Variants in LDLRAD3 observed in about 807,000 individuals in gnomAD.
LDLRAD3 encodes low-density lipoprotein receptor class A domain-containing protein 3.
A neutral mutation model predicts 29.4 loss-of-function variants in LDLRAD3; 20 were observed. The observed-to-expected ratio is 0.68, with a 90% CI of 0.48 to 0.99. LDLRAD3 has a LOEUF of 0.99. Ranked by LOEUF, LDLRAD3 falls within the 50% of genes least tolerant of loss-of-function variation. The pLI is 0.00. For missense variants in LDLRAD3, 420 were observed against 454.3 expected, an observed-to-expected ratio of 0.92 and a Z score of 0.69; for synonymous variants, 157 against 192.7, an observed-to-expected ratio of 0.81 and a Z score of 1.53.
chr11:36,088,381 G>A (rs1853227192), intron 3 of LDLRAD3, among the ~76,000 whole-genome samples: 1 of 152,066 alleles, frequency 6.6e-6, no homozygotes, highest in South Asian at 2.1e-4. Context: ...GTTTCTGGGG[G>A]ACCACGATAG....
chr11:36,219,693 A>G (rs1855401963), intron 4 of LDLRAD3, among the ~76,000 whole-genome samples: 1 of 152,264 alleles, frequency 6.6e-6, no homozygotes, highest in South Asian at 2.1e-4. Context: ...AGCTAAAGCT[A>G]TAAGACTTCT....
intron 4 of LDLRAD3, among the ~76,000 whole-genome samples, chr11:36,206,171 G>T (rs192280592): frequency 2.1e-4 from 32 of 152,186 alleles, no homozygotes; most frequent in Non-Finnish European, 4.6e-4. Flanking sequence ...TTGAAATATC[G>T]AGTGGTGATA....
intron 2 of LDLRAD3, among the ~76,000 whole-genome samples, chr11:36,078,931 G>A (rs1156922770): frequency 1.3e-5 from 2 of 152,288 alleles, no homozygotes; most frequent in African/African-American, 2.4e-5. Context: ...TCCCAGCTGT[G>A]CCATCAGCTG....
intron 2 of LDLRAD3, among the ~76,000 whole-genome samples, chr11:36,036,467 G>A (rs1852306398): frequency 6.6e-6 from 1 of 152,158 alleles, no homozygotes; most frequent in African/African-American, 2.4e-5. Context: ...CCAACGCTTT[G>A]AGAGAGCAGA....
intron 1 of LDLRAD3, chr11:35,997,501 C>T: frequency 2.6e-6 from 1 of 389,620 alleles, no homozygotes; most frequent in South Asian, 2.3e-5. Context: ...GTCAGTTTCA[C>T]TATAATCCTT....
At chr11:36,185,292 C>T (rs1854830270) in intron 4 of LDLRAD3, among the ~76,000 whole-genome samples, 1 of 152,092 alleles carries the variant, frequency 6.6e-6, no homozygotes, top group Non-Finnish European at 1.5e-5. Flanking sequence ...ATGAGATGGA[C>T]CAAGTCTTAA....
chr11:36,023,347 GT>G (rs149624071), intron 1 of LDLRAD3, among the ~76,000 whole-genome samples: 1,543 of 152,266 alleles, frequency 0.01, 28 homozygotes, highest in African/African-American at 0.035. Flanking sequence ...ATTTTCTCCT[GT>G]TGCAGGGGGC....
chr11:36,013,304 TTTTAC>T (rs1023097636), intron 1 of LDLRAD3, among the ~76,000 whole-genome samples: 6 of 152,320 alleles, frequency 3.9e-5, no homozygotes, highest in African/African-American at 1.4e-4. Flanking sequence ...TCTTCTTTTT[TTTTAC>T]TTTAAGTTCC....
chr11:36,094,497 C>T (rs1853329744), intron 3 of LDLRAD3, among the ~76,000 whole-genome samples: 1 of 152,212 alleles, frequency 6.6e-6, no homozygotes. Context: ...CAGTATAACA[C>T]ATGGTATCCA....
intron 4 of LDLRAD3, among the ~76,000 whole-genome samples, chr11:36,132,904 G>A (rs1339290493): frequency 1.3e-5 from 2 of 152,226 alleles, no homozygotes; most frequent in East Asian, 1.9e-4. Context: ...CCAGCCACGT[G>A]ACCCTGGGCA....
At chr11:36,134,103 A>G (rs1022349150) in intron 4 of LDLRAD3, among the ~76,000 whole-genome samples, 3 of 152,152 alleles carry the variant, frequency 2.0e-5, no homozygotes, top group Admixed American at 6.5e-5. Context: ...TGGATGGGCA[A>G]CCAGACACTG....
At chr11:36,021,617 T>C (rs1852097091) in intron 1 of LDLRAD3, among the ~76,000 whole-genome samples, 1 of 152,122 alleles carries the variant, frequency 6.6e-6, no homozygotes, top group Admixed American at 6.6e-5. Context: ...TGGCAAGGGA[T>C]TGAAGAATAT....
intron 4 of LDLRAD3, among the ~76,000 whole-genome samples, chr11:36,154,008 GCA>G (rs1360878365): frequency 1.3e-5 from 2 of 152,080 alleles, no homozygotes; most frequent in Admixed American, 1.3e-4. Context: ...AGTTGGAGAG[GCA>G]CCTTCATCCC....
chr11:36,021,042 C>A (rs1457673234), intron 1 of LDLRAD3, among the ~76,000 whole-genome samples: 3 of 152,048 alleles, frequency 2.0e-5, no homozygotes, highest in Non-Finnish European at 4.4e-5. Flanking sequence ...GGTGGTTCTA[C>A]CAGCTGAGAT....
intron 1 of LDLRAD3, among the ~76,000 whole-genome samples, chr11:35,976,782 A>G (rs1565137051): frequency 6.6e-6 from 1 of 152,156 alleles, no homozygotes; most frequent in East Asian, 1.9e-4. Flanking sequence ...TTCCATTTTC[A>G]AAAGAGTCTA....
intron 1 of LDLRAD3, among the ~76,000 whole-genome samples, chr11:35,958,145 A>G (rs1181758995): frequency 6.6e-6 from 1 of 152,256 alleles, no homozygotes; most frequent in Non-Finnish European, 1.5e-5. Context: ...TAAGGTGGCC[A>G]CTAGCCACCT....
At chr11:36,024,828 G>A (rs1479549204) in intron 1 of LDLRAD3, among the ~76,000 whole-genome samples, 1 of 152,248 alleles carries the variant, frequency 6.6e-6, no homozygotes, top group South Asian at 2.1e-4. Context: ...GAGGCAGATG[G>A]TGTGGACTAT....
chr11:36,149,263 A>T (rs2133325647), intron 4 of LDLRAD3, among the ~76,000 whole-genome samples: 1 of 152,332 alleles, frequency 6.6e-6, no homozygotes, highest in East Asian at 1.9e-4. Context: ...ACGTCAGGGG[A>T]TGGTCAGATG....
chr11:36,091,070 C>T (rs1307690221), intron 3 of LDLRAD3, among the ~76,000 whole-genome samples: 1 of 152,190 alleles, frequency 6.6e-6, no homozygotes, highest in East Asian at 1.9e-4. Flanking sequence ...CCTCTATCCT[C>T]TAGAAGAGAA....
Sources: allele counts gnomAD v4.1 joint callset (sites outside exome capture counted in the v4.1 genomes callset), GRCh38; gene constraint gnomAD v4.1.1; transcripts MANE v1.5; gene names NCBI Gene and HGNC (gene_info 2026-07-23, HGNC 2026-07-21).